Variants in C12orf75 observed in about 807,000 individuals in gnomAD.
The protein encoded by C12orf75 is overexpressed in colon carcinoma 1 protein.
A neutral mutation model predicts 11.4 loss-of-function variants in C12orf75; 4 were observed. That is an observed-to-expected ratio of 0.35 (90% confidence interval 0.17 to 0.80). The LOEUF is 0.80. Ranked by LOEUF, C12orf75 falls within the 30% of genes least tolerant of loss-of-function variation. The pLI is 0.52. For synonymous variants in C12orf75, 30 were observed against 30.0 expected (o/e 1.00, Z 0.00); for missense variants, 89 against 80.4 (o/e 1.11, Z -0.41).
At chr12:105,350,049 C>T (rs1459489863) in intron 2 of C12orf75, among the ~76,000 whole-genome samples, 1 of 152,148 alleles carries the variant, frequency 6.6e-6, no homozygotes, top group Non-Finnish European at 1.5e-5. Flanking sequence ...CTCCTGTTTG[C>T]TGTGTTGGAG....
At chr12:105,355,934 A>G (rs190148682) in intron 2 of C12orf75, among the ~76,000 whole-genome samples, 5 of 152,336 alleles carry the variant, frequency 3.3e-5, no homozygotes, top group African/African-American at 1.2e-4. Flanking sequence ...GGATAAAGAG[A>G]AGTTGAAAGC....
chr12:105,368,665 G>A (rs10735403), intron 5 of C12orf75, among the ~76,000 whole-genome samples: 82,186 of 152,022 alleles, frequency 0.54, 24,250 homozygotes, highest in African/African-American at 0.78. Context: ...TGGATTTGCT[G>A]TTTGGGATGG....
At chr12:105,345,028 A>G (rs1443048224) in intron 1 of C12orf75, among the ~76,000 whole-genome samples, 1 of 147,440 alleles carries the variant, frequency 6.8e-6, no homozygotes, top group Non-Finnish European at 1.5e-5. Flanking sequence ...GTTAACCTGC[A>G]AAACTAGGTC....
intron 2 of C12orf75, among the ~76,000 whole-genome samples, chr12:105,362,113 G>A (rs928923430): frequency 9.2e-5 from 14 of 152,082 alleles, no homozygotes; most frequent in African/African-American, 3.1e-4. Flanking sequence ...CTGGCCGGGC[G>A]CGGTGGCTCA....
intron 1 of C12orf75, among the ~76,000 whole-genome samples, chr12:105,348,298 C>T (rs186413257): frequency 2.6e-5 from 4 of 151,922 alleles, no homozygotes; most frequent in East Asian, 1.9e-4. Context: ...ACCTGTATTC[C>T]GAGCTACTCA....
At chr12:105,366,427 TA>T (rs79519644) in intron 3 of C12orf75, 189 bp from the exon 4 acceptor site, 92 of 374,326 alleles carry the variant, frequency 2.5e-4, no homozygotes, top group Middle Eastern at 1.4e-3. Flanking sequence ...TTCTTTTTTT[TA>T]AAAAAAATAG....
In C12orf75 at chr12:105,361,720, C is replaced by G. The variant is rs1592884543; in HGVS notation, c.72-4087C>G. Among the ~76,000 whole-genome samples, 3 of 152,238 alleles carry G rather than the reference C, an allele frequency of 2.0e-5. No homozygotes were observed. In the South Asian group the frequency reaches 6.2e-4, roughly 32 times the overall value. On this transcript the variant is annotated intron_variant, in intron 2 of 5. Coordinates refer to ENST00000443585, the MANE Select transcript of C12orf75 (RefSeq NM_001145199.2). ...TAAAGCTTGTGCAGGTGGGGCAGGA[C>G]CACACCACCCCAACAGGTAGGATGC...
chr12:105,368,770 A>G (rs1465244160), intron 5 of C12orf75, among the ~76,000 whole-genome samples: 3 of 152,232 alleles, frequency 2.0e-5, no homozygotes, highest in African/African-American at 7.2e-5. Context: ...CTTCCTGACA[A>G]GAACTAGAAC....
chr12:105,366,792 C>T (rs1181323975), intron 4 of C12orf75, 96 bp downstream of exon 4: 1 of 757,178 alleles, frequency 1.3e-6, no homozygotes, highest in Non-Finnish European at 2.3e-6. Flanking sequence ...CTCGACTCAA[C>T]CTATGTATTG....
chr12:105,344,973 C>CCA (rs1892619883), intron 1 of C12orf75, among the ~76,000 whole-genome samples: 1 of 149,958 alleles, frequency 6.7e-6, no homozygotes, highest in South Asian at 2.1e-4. Context: ...AGCCCCCCCC[C>CCA]AACCAATTAA....
intron 2 of C12orf75, among the ~76,000 whole-genome samples, chr12:105,357,526 G>A (rs1892798439): frequency 6.6e-6 from 1 of 152,138 alleles, no homozygotes; most frequent in African/African-American, 2.4e-5. Flanking sequence ...AAAGTGGGGA[G>A]AATATGAGTT....
In C12orf75 at chr12:105,371,205, A is replaced by G. The variant is rs1871617038; in HGVS notation, c.*605A>G. The G allele has an allele frequency of 6.5e-6, 1 of 154,328 alleles. No individual in the cohort carries two copies. The highest frequency in any genetic ancestry group is 1.4e-5 in the Non-Finnish European group (1 of 69,288). 9.6% of individuals were successfully genotyped at this position (154,328 alleles called of 1,614,324 possible). On this transcript the variant is annotated 3_prime_UTR_variant, in exon 6 of 6. Coordinates refer to ENST00000443585, the MANE Select transcript of C12orf75 (RefSeq NM_001145199.2). ...GTCAGAATTTCCTTTTTTAGGAACA[A>G]TGTGTATTTCATTGCACTATTTAAA...
intron 2 of C12orf75, among the ~76,000 whole-genome samples, chr12:105,354,899 C>T (rs1429775096): frequency 6.6e-6 from 1 of 151,858 alleles, no homozygotes. Flanking sequence ...ATAGGGAGGA[C>T]GGGGAGGGAT....
intron 2 of C12orf75, among the ~76,000 whole-genome samples, chr12:105,360,577 A>G (rs1892847822): frequency 6.6e-6 from 1 of 152,218 alleles, no homozygotes; most frequent in Admixed American, 6.5e-5. Flanking sequence ...ACCTGTGGGC[A>G]CCTCAGTTCC....
At chr12:105,349,042 A>T (rs773157384) in intron 2 of C12orf75, among the ~76,000 whole-genome samples, 11 of 152,232 alleles carry the variant, frequency 7.2e-5, no homozygotes, top group Non-Finnish European at 1.3e-4. Flanking sequence ...GAATTGTTTT[A>T]AAGTTGATAA....
At chr12:105,337,680 T>C (rs1350737620) in intron 1 of C12orf75, among the ~76,000 whole-genome samples, 2 of 152,220 alleles carry the variant, frequency 1.3e-5, no homozygotes, top group Admixed American at 6.5e-5. Flanking sequence ...ATGTTATCTA[T>C]AGGAGTATTT....
chr12:105,340,313 T>C (rs1001049686), intron 1 of C12orf75, among the ~76,000 whole-genome samples: 2 of 151,516 alleles, frequency 1.3e-5, no homozygotes, highest in East Asian at 3.9e-4. Context: ...TGGTCCTAGC[T>C]ACTTGGGACG....
rs189123672 is a variant in C12orf75, at chr12:105,343,457, A to G, written c.47-5145A>G. Among the ~76,000 whole-genome samples, 261 of 152,358 alleles carry G rather than the reference A, an allele frequency of 1.7e-3. 1 individual carries two copies. Among genetic ancestry groups the G allele is most frequent in the Admixed American group, 4.1e-3 (63 of 15,304 alleles). On this transcript the variant is annotated intron_variant, in intron 1 of 5. Transcript: ENST00000443585. ...ATGATAAAGCACATGAACCACAGAT[A>G]CAGTTTAAAGCAAATGGGATCTTGC...
In C12orf75 at chr12:105,370,720, T is replaced by G. The variant is rs1164119484; in HGVS notation, c.*120T>G. 2.2e-6 allele frequency: 1 copy of G among 457,638 alleles called. No homozygotes were observed. The highest frequency in any genetic ancestry group is 4.4e-6 in the Non-Finnish European group (1 of 226,800). 28.3% of individuals were successfully genotyped at this position (457,638 alleles called of 1,614,324 possible). On this transcript the variant is annotated 3_prime_UTR_variant, in exon 6 of 6. Coordinates refer to ENST00000443585, the MANE Select transcript of C12orf75 (RefSeq NM_001145199.2). ...CCAAGGAAATTCTAAACAGTCACCC[T>G]TCCCTTTTGCATTCCCCCAAATCTT...
Sources: allele counts gnomAD v4.1 joint callset (sites outside exome capture counted in the v4.1 genomes callset), GRCh38; gene constraint gnomAD v4.1.1; transcripts MANE v1.5; gene names NCBI Gene and HGNC (gene_info 2026-07-23, HGNC 2026-07-21).